TOGARAM1: variants seen among roughly 807,000 people sequenced by gnomAD.
TOGARAM1 encodes the protein TOG array regulator of axonemal microtubules 1, also known as TOG array regulator of axonemal microtubules protein 1.
Under a neutral mutation model 166.6 loss-of-function variants are expected in TOGARAM1, and 100 were observed. The ratio of observed to expected loss-of-function variants is 0.60; its 90% CI spans 0.51 to 0.71. The LOEUF is 0.71. TOGARAM1 is among the 30% of genes least tolerant of loss of function. The pLI is 0.00. For missense variants in TOGARAM1, 2,029 were observed against 2,102.7 expected (o/e 0.96, Z 0.69); for synonymous variants, 758 against 763.8 (o/e 0.99, Z 0.13).
intron 7 of TOGARAM1, among the ~76,000 whole-genome samples, chr14:45,022,073 G>A (rs1207262738): frequency 1.3e-5 from 2 of 151,758 alleles, no homozygotes; most frequent in Non-Finnish European, 2.9e-5. Context: ...TCATTTTCTC[G>A]ACCTTCCCCG....
In TOGARAM1 at chr14:45,033,652, A is replaced by T. The variant is rs192620667; in HGVS notation, c.3812+1276A>T. 1.2e-3 allele frequency among the ~76,000 whole-genome samples: 176 copies of T among 152,350 alleles called. 1 individual carries two copies. The highest frequency in any genetic ancestry group is 4.0e-3 in the African/African-American group (166 of 41,572). On this transcript the variant is annotated intron_variant, in intron 11 of 19. Transcript: ENST00000361462. ...CTAAACTCTGATTTTTCATAAATGT[A>T]TATCTGTATCCCTGGTATCATTTTG... is the stretch of plus-strand genomic sequence containing the variant.
chr14:45,055,785 A>G (rs72672915), intron 16 of TOGARAM1, among the ~76,000 whole-genome samples: 1 of 123,872 alleles, frequency 8.1e-6, no homozygotes, highest in African/African-American at 3.3e-5. Context: ...GCCTGGGCAG[A>G]GTGAGACTCC....
chr14:45,000,889 A>G (rs1405261255), intron 3 of TOGARAM1, among the ~76,000 whole-genome samples: 1 of 152,000 alleles, frequency 6.6e-6, no homozygotes, highest in Non-Finnish European at 1.5e-5. Context: ...ATACACTACT[A>G]TGTCTGGTTA....
rs1374233596 is a variant in TOGARAM1 at position 45,068,388 on chromosome 14, C to G, written c.4750-36C>G. The G allele has an allele frequency of 4.2e-6, 6 of 1,421,068 alleles. No individual in the cohort carries two copies. The South Asian group carries it at 6.2e-5, about 15-fold the overall frequency. The allele number at this position is 1,421,068 out of a possible 1,614,324, so 88.0% of individuals were successfully genotyped here. On this transcript the variant is annotated intron_variant, in intron 17 of 19. Coordinates refer to ENST00000361462, the MANE Select transcript of TOGARAM1 (RefSeq NM_001308120.2). ...TTATAAATACAATAGCTATAAAAAT[C>G]ATTTTACTTTAAATAATTTACCAAT...
At chr14:44,996,061 A>G in intron 2 of TOGARAM1, 159 bp downstream of exon 2, 1 of 505,370 alleles carries the variant, frequency 2.0e-6, no homozygotes. Context: ...AGACATTATT[A>G]TCTCATAAAA....
At chr14:45,062,541 A>C (rs1882943745) in intron 16 of TOGARAM1, among the ~76,000 whole-genome samples, 1 of 152,180 alleles carries the variant, frequency 6.6e-6, no homozygotes, top group African/African-American at 2.4e-5. Flanking sequence ...AATGTTTTTT[A>C]GTACACATGG....
intron 11 of TOGARAM1, among the ~76,000 whole-genome samples, chr14:45,038,435 G>A (rs529182161): frequency 1.1e-4 from 17 of 152,312 alleles, no homozygotes; most frequent in Middle Eastern, 6.8e-3. Context: ...TGAGCATGGG[G>A]TCCGGCCACT....
At chr14:45,060,079 A>AT (rs560953508) in intron 16 of TOGARAM1, among the ~76,000 whole-genome samples, 221 of 143,618 alleles carry the variant, frequency 1.5e-3, no homozygotes, top group South Asian at 3.3e-3. Flanking sequence ...CAACCAGCTA[A>AT]TTTTTTTTTT....
At chr14:45,052,648 T>C (rs2138973780) in intron 15 of TOGARAM1, 86 bp downstream of exon 15, 1 of 1,227,860 alleles carries the variant, frequency 8.1e-7, no homozygotes, top group Middle Eastern at 2.9e-4. Context: ...TAATTATTTA[T>C]TTGATTATTT....
In TOGARAM1 at chr14:45,054,681, C is replaced by T. The variant is rs866666746; in HGVS notation, c.4559+132C>T. On this transcript the variant is annotated intron_variant, in intron 16 of 19. Transcript: ENST00000361462. ...GAGTTTTAAAAGTTTGCTTAGGATC[C>T]AGAAAGTGTGAGGTAATTAGATTTA... The T allele has an allele frequency of 2.1e-5, 13 of 624,700 alleles. 1 individual carries two copies. In the Middle Eastern group the frequency reaches 3.8e-3, roughly 182 times the overall value. 38.7% of individuals were successfully genotyped at this position (624,700 alleles called of 1,614,324 possible).
At chr14:45,045,607 G>A (rs1566660676) in intron 13 of TOGARAM1, among the ~76,000 whole-genome samples, 11 of 85,664 alleles carry the variant, frequency 1.3e-4, no homozygotes, top group African/African-American at 5.7e-4. Flanking sequence ...GTGTGTGTGT[G>A]TGTGTGTGTG....
chr14:44,983,892 C>T (rs1020719556), intron 1 of TOGARAM1, among the ~76,000 whole-genome samples: 1 of 152,074 alleles, frequency 6.6e-6, no homozygotes, highest in African/African-American at 2.4e-5. Flanking sequence ...TTGCTTATGT[C>T]AGAGCTATGT....
At chr14:44,976,165 A>G (rs1342002374) in intron 1 of TOGARAM1, among the ~76,000 whole-genome samples, 1 of 152,108 alleles carries the variant, frequency 6.6e-6, no homozygotes, top group Non-Finnish European at 1.5e-5. Flanking sequence ...GGCTCCAACA[A>G]TCTTCAAGAT....
At chr14:45,005,857 A>T (rs1429948728) in intron 4 of TOGARAM1, 151 bp from the exon 5 acceptor site, 4 of 534,708 alleles carry the variant, frequency 7.5e-6, no homozygotes, top group South Asian at 4.1e-5. Context: ...TTGTATCGAA[A>T]GCCGAGGCTT....
intron 7 of TOGARAM1, among the ~76,000 whole-genome samples, chr14:45,021,989 T>C (rs766989834): frequency 5.3e-5 from 8 of 152,132 alleles, no homozygotes; most frequent in Non-Finnish European, 1.2e-4. Context: ...TTAGTAAGGC[T>C]ATAGGCAACA....
intron 1 of TOGARAM1, among the ~76,000 whole-genome samples, chr14:44,992,683 T>C (rs1448520789): frequency 7.0e-6 from 1 of 143,470 alleles, no homozygotes; most frequent in Non-Finnish European, 1.5e-5. Context: ...AGTGGCGCGA[T>C]CCTGGCTCAC....
intron 7 of TOGARAM1, among the ~76,000 whole-genome samples, chr14:45,017,510 G>T (rs1594658976): frequency 6.6e-6 from 1 of 152,240 alleles, no homozygotes; most frequent in East Asian, 1.9e-4. Context: ...GCCCAGTTAG[G>T]TTGTAGCCCT....
At position 45,004,851 on chromosome 14, in the gene TOGARAM1, C is replaced by T. The variant is rs180796904; in HGVS notation, c.2644+485C>T. On this transcript the variant is annotated intron_variant, in intron 4 of 19. Coordinates refer to ENST00000361462, the MANE Select transcript of TOGARAM1 (RefSeq NM_001308120.2). ...ACAAATATAAAATGTCATTCATATGCTTATTGCAATTAATGCCTAATATTC... is the reference window on the plus strand; with the variant it reads ...ACAAATATAAAATGTCATTCATATGTTTATTGCAATTAATGCCTAATATTC... Among the ~76,000 whole-genome samples, 595 of 152,208 alleles carry T rather than the reference C, an allele frequency of 3.9e-3. 9 individuals are homozygous for T. The highest frequency in any genetic ancestry group is 3.0e-3 in the Non-Finnish European group (204 of 68,002).
chr14:45,043,830 TAACAAAGGATA>T, intron 12 of TOGARAM1, 39 bp downstream of exon 12: 1 of 1,142,878 alleles, frequency 8.7e-7, no homozygotes, highest in Non-Finnish European at 1.3e-6. Flanking sequence ...ATTGTTAGAA[TAACAAAGGATA>T]AATATGCTAT....
Sources: allele counts gnomAD v4.1 joint callset (sites outside exome capture counted in the v4.1 genomes callset), GRCh38; gene constraint gnomAD v4.1.1; transcripts MANE v1.5; gene names NCBI Gene and HGNC (gene_info 2026-07-23, HGNC 2026-07-21).